FGD6: variants seen among roughly 807,000 people sequenced by gnomAD.
FGD6 encodes FYVE, RhoGEF and PH domain containing 6.
In FGD6, 90 loss-of-function variants were observed where a neutral mutation model predicts 149.4. The observed-to-expected ratio is 0.60, with a 90% CI of 0.51 to 0.72. FGD6 has a LOEUF of 0.72. Ranked by LOEUF, FGD6 falls within the 30% of genes least tolerant of loss-of-function variation. The probability of loss-of-function intolerance (pLI) is 0.00; values close to 1 mark genes in which losing one functional copy is unlikely to be tolerated. For synonymous variants in FGD6, 527 were observed against 584.0 expected (o/e 0.90, Z 1.41); for missense variants, 1,437 against 1,684.8 (o/e 0.85, Z 2.57).
intron 2 of FGD6, among the ~76,000 whole-genome samples, chr12:95,199,601 G>A (rs1340434815): frequency 1.3e-5 from 2 of 149,252 alleles, no homozygotes; most frequent in Non-Finnish European, 3.0e-5. Context: ...AAATTAAGTA[G>A]TGGAAAAGCT....
intron 6 of FGD6, among the ~76,000 whole-genome samples, chr12:95,141,067 C>T (rs570417581): frequency 2.0e-5 from 3 of 151,816 alleles, no homozygotes; most frequent in Admixed American, 6.6e-5. Flanking sequence ...ACTAAAAATA[C>T]AAAAAATTAG....
Position 95,210,547 on chromosome 12 carries a change from G to C in FGD6, c.737C>G (p.Pro246Arg). 1 of 1,614,120 alleles carries C rather than the reference G, an allele frequency of 6.2e-7. No individual in the cohort carries two copies. The highest frequency in any genetic ancestry group is 8.5e-7 in the Non-Finnish European group (1 of 1,180,026). Reference sequence around the variant, plus strand: ...TTCAAAATGTTCACATTCATCACTAGGAAGCTGTAAGTGGCAACTGTGATG... The same window carrying C: ...TTCAAAATGTTCACATTCATCACTACGAAGCTGTAAGTGGCAACTGTGATG... ...PDHHSCHLQL[P>R]SDECEHFETC... Residue 246 changes from proline (P) to arginine (R), a missense_variant, in exon 2 of 21, where the codon CCT becomes CGT. Pro to Arg is a moderately radical substitution (Grantham distance 103). Transcript: ENST00000343958.
At position 95,205,267 on chromosome 12, in the gene FGD6, CA is replaced by C. The variant is rs398055845; in HGVS notation, c.2441+3575del. The stretch of plus-strand genomic sequence containing the variant: ...TGGGCAACACAGCATGACTCTGTCT[CA>C]AAAAAAAAAAAAGTAAATGGTAAGC... On this transcript the variant is annotated intron_variant, in intron 2 of 20. Coordinates refer to ENST00000343958, the MANE Select transcript of FGD6 (RefSeq NM_018351.4). Among the ~76,000 whole-genome samples the C allele has an allele frequency of 7.1e-3, 1,005 of 142,496 alleles. 12 individuals are homozygous for C. The highest frequency in any genetic ancestry group is 0.022 in the African/African-American group (866 of 38,944). 93.5% of individuals were successfully genotyped at this position (142,496 alleles called of 152,430 possible). A position where few individuals can be genotyped will look rare whatever the true frequency, so the allele number is the denominator to read the frequency against.
chr12:95,089,171 A>G lies in FGD6; in HGVS notation c.3978+398T>C, dbSNP rs192568570. Reference sequence around the variant, plus strand: ...AAGGAAAGACAACCTACTATCAGTGATATCAGCTGTGCATAACCAACCAAT... The same window carrying G: ...AAGGAAAGACAACCTACTATCAGTGGTATCAGCTGTGCATAACCAACCAAT... On this transcript the variant is annotated intron_variant, in intron 18 of 20. Coordinates refer to ENST00000343958, the MANE Select transcript of FGD6 (RefSeq NM_018351.4). Among the ~76,000 whole-genome samples the G allele has an allele frequency of 1.4e-3, 216 of 152,358 alleles. 1 individual carries two copies. Among genetic ancestry groups the G allele is most frequent in the African/African-American group, 4.9e-3 (203 of 41,596 alleles).
Position 95,095,227 on chromosome 12 carries a change from C to T in FGD6, c.3498-533G>A, listed in dbSNP as rs1050863310. ...GCAGATGTTGACAATGAGGTTCACA[C>T]GGTAAAGGCTGCAGTTTTTGTTAGG... On this transcript the variant is annotated intron_variant, in intron 14 of 20. Transcript: ENST00000343958. 2.6e-5 allele frequency among the ~76,000 whole-genome samples: 4 copies of T among 152,122 alleles called. No individual in the cohort carries two copies. The South Asian group carries it at 6.2e-4, about 24-fold the overall frequency.
chr12:95,081,571 A>G lies in FGD6; in HGVS notation c.4257-15T>C, dbSNP rs761950535. ...CTTCTATCCACCTATTGATAAGAGA[A>G]ATCGGTTAGATTTGTAAAACCTAAT... On this transcript the variant is annotated splice_polypyrimidine_tract_variant and intron_variant, in intron 20 of 20. Coordinates refer to ENST00000343958, the MANE Select transcript of FGD6 (RefSeq NM_018351.4). The G allele has an allele frequency of 1.3e-5, 21 of 1,596,920 alleles. No individual in the cohort carries two copies. The highest frequency in any genetic ancestry group is 1.8e-5 in the Non-Finnish European group (21 of 1,170,992).
chr12:95,174,944 A>AAAG (rs1555221540), intron 2 of FGD6, among the ~76,000 whole-genome samples: 1 of 151,372 alleles, frequency 6.6e-6, no homozygotes, highest in African/African-American at 2.4e-5. Context: ...AAAAAAAAAA[A>AAAG]AAAGAAATTA....
intron 6 of FGD6, among the ~76,000 whole-genome samples, chr12:95,138,981 AG>A (rs1879763799): frequency 6.5e-5 from 1 of 15,302 alleles, no homozygotes; most frequent in Non-Finnish European, 1.4e-4. Context: ...TGCATACTTA[AG>A]AGCACAGACT....
chr12:95,166,742 C>T (rs761775962), intron 3 of FGD6, among the ~76,000 whole-genome samples: 1 of 151,944 alleles, frequency 6.6e-6, no homozygotes, highest in Non-Finnish European at 1.5e-5. Context: ...ACTCCATGCC[C>T]ATTATCAGTC....
intron 1 of FGD6, among the ~76,000 whole-genome samples, chr12:95,216,273 T>C (rs2056776059): frequency 6.6e-6 from 1 of 152,172 alleles, no homozygotes; most frequent in Admixed American, 6.5e-5. Flanking sequence ...GCAATGAAAA[T>C]TTAATCTGAT....
Position 95,078,843 on chromosome 12 carries a change from C to G in FGD6, c.*2677G>C, listed in dbSNP as rs1301145146. The G allele has an allele frequency of 2.0e-5, 3 of 152,140 alleles. No homozygotes were observed. Among genetic ancestry groups the G allele is most frequent in the South Asian group, 2.1e-4 (1 of 4,832 alleles). 9.4% of individuals were successfully genotyped at this position (152,140 alleles called of 1,614,324 possible). On this transcript the variant is annotated 3_prime_UTR_variant, in exon 21 of 21. Transcript: ENST00000343958. ...GTCTCATCTACGTTATGCTTAGCAT[C>G]ATTTTTAGCTTAGCTTTATAAATGC...
intron 5 of FGD6, among the ~76,000 whole-genome samples, chr12:95,145,335 G>C (rs187730051): frequency 3.0e-4 from 46 of 152,228 alleles, no homozygotes; most frequent in African/African-American, 9.4e-4. Context: ...ATTCTGTACT[G>C]GTCAGGTTCC....
chr12:95,181,300 G>A (rs768492663), intron 2 of FGD6, among the ~76,000 whole-genome samples: 9 of 152,146 alleles, frequency 5.9e-5, no homozygotes, highest in Admixed American at 2.6e-4. Context: ...ATTTGGTTGT[G>A]GGAGAGCTTC....
intron 8 of FGD6, among the ~76,000 whole-genome samples, chr12:95,128,867 A>G (rs189048942): frequency 1.3e-5 from 2 of 152,236 alleles, no homozygotes; most frequent in Non-Finnish European, 2.9e-5. Context: ...GGAGACAGCA[A>G]GAAACCTACT....
intron 12 of FGD6, among the ~76,000 whole-genome samples, 186 bp downstream of exon 12, chr12:95,107,377 C>A (rs1022175294): frequency 2.6e-5 from 4 of 152,160 alleles, no homozygotes; most frequent in Admixed American, 2.6e-4. Context: ...AAATAATCTT[C>A]TGGTTATACA....
chr12:95,141,112 A>G (rs539619585), intron 6 of FGD6, among the ~76,000 whole-genome samples: 24 of 152,130 alleles, frequency 1.6e-4, no homozygotes, highest in African/African-American at 5.5e-4. Context: ...AATCCCAGCT[A>G]CTCGGGAGGC....
chr12:95,085,588 A>G (rs1877839895), intron 19 of FGD6, 192 bp downstream of exon 19: 1 of 565,748 alleles, frequency 1.8e-6, no homozygotes, highest in Non-Finnish European at 2.9e-6. Context: ...TTCCTAACAC[A>G]TTTGAGAAAG....
At chr12:95,153,598 T>A (rs1329240541) in intron 3 of FGD6, among the ~76,000 whole-genome samples, 2 of 151,994 alleles carry the variant, frequency 1.3e-5, no homozygotes, top group East Asian at 1.9e-4. Context: ...AAGGCAGAGG[T>A]TGCAGTGAGC....
chr12:95,137,331 T>C (rs1378410950), intron 7 of FGD6, among the ~76,000 whole-genome samples, 191 bp downstream of exon 7: 1 of 152,200 alleles, frequency 6.6e-6, no homozygotes, highest in Non-Finnish European at 1.5e-5. Context: ...ATAACAGATT[T>C]TCAAAATTAA....
Sources: gnomAD v4.1 joint callset for allele counts (sites outside exome capture counted in the v4.1 genomes callset) on GRCh38, gnomAD v4.1.1 for gene constraint, MANE v1.5 for transcripts, NCBI Gene and HGNC (gene_info 2026-07-23, HGNC 2026-07-21) for gene names.